Variants in XRN1 observed in about 807,000 individuals in gnomAD.
XRN1 encodes 5'-3' exoribonuclease 1.
Under a neutral mutation model 222.3 loss-of-function variants are expected in XRN1, and 67 were observed. That is an observed-to-expected ratio of 0.30 (90% CI 0.25 to 0.37). The LOEUF is 0.37. Ranked by LOEUF, XRN1 falls within the 10% of genes least tolerant of loss-of-function variation. The pLI is 1.00. For synonymous variants in XRN1, 643 were observed against 652.4 expected (o/e 0.99, Z 0.22); for missense variants, 1,707 against 2,000.2 (o/e 0.85, Z 2.80).
At chr3:142,356,425 T>TAAATA (rs1441855889) in intron 31 of XRN1, among the ~76,000 whole-genome samples, 5 of 152,136 alleles carry the variant, frequency 3.3e-5, no homozygotes, top group Non-Finnish European at 5.9e-5. Flanking sequence ...GTCATGGAAT[T>TAAATA]AAATAAAGTG....
rs2064996745 is a variant in XRN1, at chr3:142,307,631, G to A, written c.*3880C>T. The A allele has an allele frequency of 6.6e-6, 1 of 152,130 alleles. No individual in the cohort carries two copies. Among genetic ancestry groups the A allele is most frequent in the Non-Finnish European group, 1.5e-5 (1 of 68,004 alleles). 9.4% of individuals were successfully genotyped at this position (152,130 alleles called of 1,614,324 possible). A position where few individuals can be genotyped will look rare whatever the true frequency, so the allele number is the denominator to read the frequency against. On this transcript the variant is annotated 3_prime_UTR_variant, in exon 41 of 41. Coordinates refer to ENST00000392981, the MANE Select transcript of XRN1 (RefSeq NM_001282857.2). ...CTTAACGGCCTGTCTGCTCTGCCAT[G>A]TTTCTGGAGACTTGATGCTGGTTCA... is the stretch of plus-strand genomic sequence containing the variant.
At chr3:142,414,364 C>T (rs753464352) in intron 13 of XRN1, 73 bp from the exon 14 acceptor site, 35 of 1,152,052 alleles carry the variant, frequency 3.0e-5, no homozygotes, top group Non-Finnish European at 3.9e-5. Flanking sequence ...TATACTTTTC[C>T]CCATATTTTA....
chr3:142,317,596 C>T (rs1329624115), intron 39 of XRN1, among the ~76,000 whole-genome samples: 1 of 152,136 alleles, frequency 6.6e-6, no homozygotes, highest in Non-Finnish European at 1.5e-5. Flanking sequence ...TAGATAGCTC[C>T]TCTAGAAAAC....
At position 142,318,851 on chromosome 3, in the gene XRN1, G is replaced by A. The variant is rs866935341; in HGVS notation, c.4457C>T (p.Pro1486Leu). The change falls in exon 38 of 41, where the codon CCA becomes CTA. Residue 1486 changes from proline to leucine, a missense_variant. Physicochemically the swap from Pro to Leu is moderately conservative, Grantham distance 98. This residue lies in a region of XRN1 where 473 missense variants were observed against 482.0 expected (regional missense o/e 0.98). Coordinates refer to ENST00000392981, the MANE Select transcript of XRN1 (RefSeq NM_001282857.2). ...KLSNGLLVHG[P>L]QCHSENEAKE... ...GGCTTCATTTTCAGAGTGGCACTGT[G>A]GCCCATGTACCAGTAAGCCATTAGA... The A allele has an allele frequency of 1.2e-6, 2 of 1,613,926 alleles. No individual in the cohort carries two copies. Among genetic ancestry groups the A allele is most frequent in the Non-Finnish European group, 1.7e-6 (2 of 1,179,926 alleles).
intron 13 of XRN1, among the ~76,000 whole-genome samples, chr3:142,416,930 G>T (rs979159077): frequency 2.0e-5 from 3 of 151,344 alleles, no homozygotes; most frequent in Non-Finnish European, 4.4e-5. Flanking sequence ...TACTCAGGGG[G>T]TTGAGGCAGA....
At chr3:142,322,370 C>A (rs150427816) in intron 37 of XRN1, among the ~76,000 whole-genome samples, 1 of 152,110 alleles carries the variant, frequency 6.6e-6, no homozygotes, top group Non-Finnish European at 1.5e-5. Flanking sequence ...GGTACTACCA[C>A]GCTTAGCTGT....
chr3:142,369,919 C>T (rs558939740), intron 27 of XRN1, among the ~76,000 whole-genome samples: 2 of 148,722 alleles, frequency 1.3e-5, no homozygotes, highest in South Asian at 2.2e-4. Context: ...TGGTGGCAGG[C>T]GCCTGTAATC....
At chr3:142,367,326 T>A (rs1159823350) in intron 27 of XRN1, among the ~76,000 whole-genome samples, 1 of 151,736 alleles carries the variant, frequency 6.6e-6, no homozygotes, top group Non-Finnish European at 1.5e-5. Context: ...GAATCTCAAG[T>A]CACACCCCAG....
intron 1 of XRN1, among the ~76,000 whole-genome samples, chr3:142,445,084 T>C (rs1019700294): frequency 3.3e-5 from 5 of 152,248 alleles, no homozygotes; most frequent in Non-Finnish European, 5.9e-5. Flanking sequence ...CGTTACTTTT[T>C]CTTGAATCTT....
At chr3:142,381,563 C>CTT (rs766961502) in intron 22 of XRN1, among the ~76,000 whole-genome samples, 146 of 84,182 alleles carry the variant, frequency 1.7e-3, no homozygotes, top group African/African-American at 2.7e-3. Context: ...TAAGTTATTG[C>CTT]TTTTTTTTTT....
rs2069436890 is a variant in XRN1, at chr3:142,429,650, T to A, written c.309-2809A>T. On this transcript the variant is annotated intron_variant, in intron 2 of 40. Transcript: ENST00000392981. ...ATTTAATAAATGCTTGTGGTGGTTA[T>A]AATGCATTGGCCCTCAACTTCCATT... is the stretch of plus-strand genomic sequence containing the variant. The A allele has an allele frequency of 2.0e-5, 3 of 150,712 alleles. 1 individual carries two copies. The South Asian group carries it at 6.2e-4, about 31-fold the overall frequency. 9.3% of individuals were successfully genotyped at this position (150,712 alleles called of 1,614,324 possible). A position where few individuals can be genotyped will look rare whatever the true frequency, so the allele number is the denominator to read the frequency against.
chr3:142,321,983 G>A (rs1261623070), intron 37 of XRN1, among the ~76,000 whole-genome samples: 1 of 152,008 alleles, frequency 6.6e-6, no homozygotes. Flanking sequence ...AATTGCTCTG[G>A]ACAGAACTTC....
Position 142,398,367 on chromosome 3 carries a change from GT to G in XRN1, c.2208-908del, listed in dbSNP as rs79496846. On this transcript the variant is annotated intron_variant, in intron 19 of 40. Transcript: ENST00000392981. ...ATATGAAGTATGCATTATCTACAAA[GT>G]TTTTTTTTTTTTTTAAGAGATGGGG... Among the ~76,000 whole-genome samples the G allele has an allele frequency of 3.1e-3, 434 of 139,560 alleles. 2 individuals carry two copies. Among genetic ancestry groups the G allele is most frequent in the Middle Eastern group, 7.1e-3 (2 of 280 alleles). The allele number at this position is 139,560 out of a possible 152,430, so 91.6% of individuals were successfully genotyped here.
intron 27 of XRN1, among the ~76,000 whole-genome samples, chr3:142,366,955 T>C (rs1296064553): frequency 6.6e-6 from 1 of 152,204 alleles, no homozygotes; most frequent in Non-Finnish European, 1.5e-5. Context: ...GTTTGGGGAC[T>C]GGCTATTCAA....
chr3:142,424,326 C>T (rs760902879), intron 5 of XRN1, among the ~76,000 whole-genome samples: 5 of 152,118 alleles, frequency 3.3e-5, no homozygotes, highest in Non-Finnish European at 5.9e-5. Flanking sequence ...GAACTCCTGA[C>T]CTTAGATGAT....
In XRN1 at chr3:142,426,860, A is replaced by C. The variant is rs759736882; in HGVS notation, c.309-19T>G. The C allele has an allele frequency of 8.1e-6, 13 of 1,600,384 alleles. No homozygotes were observed. In the African/African-American group the frequency reaches 1.5e-4, roughly 18 times the overall value. On this transcript the variant is annotated intron_variant, in intron 2 of 40. Coordinates refer to ENST00000392981, the MANE Select transcript of XRN1 (RefSeq NM_001282857.2). ...TGCTGACCTTAAAGGTTAAGGGAAAAAAGTACCTTAAGTTTTCTGAAAAAA... is the reference window on the plus strand; with the variant it reads ...TGCTGACCTTAAAGGTTAAGGGAAACAAGTACCTTAAGTTTTCTGAAAAAA...
At position 142,444,499 on chromosome 3, in the gene XRN1, C is replaced by T. The variant is rs558565234; in HGVS notation, c.75+3371G>A. ...AGTGGCACACGCCTAATCCCAGCTA[C>T]TTGGGTGGCTAAGGCACAAGACTTG... On this transcript the variant is annotated intron_variant, in intron 1 of 40. Transcript: ENST00000392981. 4.6e-5 allele frequency among the ~76,000 whole-genome samples: 7 copies of T among 152,264 alleles called. No individual in the cohort carries two copies. In the East Asian group the frequency reaches 1.4e-3, roughly 29 times the overall value.
At chr3:142,345,710 GA>G (rs371225179) in intron 33 of XRN1, among the ~76,000 whole-genome samples, 11 of 152,072 alleles carry the variant, frequency 7.2e-5, no homozygotes, top group African/African-American at 2.7e-4. Context: ...CAAGAAAAAA[GA>G]TTAAAAAATC....
At chr3:142,392,894 T>G (rs1361143466) in intron 20 of XRN1, among the ~76,000 whole-genome samples, 1 of 149,356 alleles carries the variant, frequency 6.7e-6, no homozygotes, top group Non-Finnish European at 1.5e-5. Flanking sequence ...CCTGAGGAAT[T>G]GCCACACTGA....
Sources: allele counts gnomAD v4.1 joint callset (sites outside exome capture counted in the v4.1 genomes callset), GRCh38; gene constraint gnomAD v4.1.1; regional missense constraint gnomAD v4.1.1; transcripts MANE v1.5; gene names NCBI Gene and HGNC (gene_info 2026-07-23, HGNC 2026-07-21).